The following CPSF3 variants were observed in gnomAD, a reference collection of about 807,000 sequenced individuals.
CPSF3 encodes the protein cleavage and polyadenylation specific factor 3.
A neutral mutation model predicts 84.1 loss-of-function variants in CPSF3; 57 were observed. The observed-to-expected ratio is 0.68, with a 90% CI of 0.55 to 0.85. The LOEUF (loss-of-function observed/expected upper bound fraction) is 0.85. CPSF3 is among the 40% of genes least tolerant of loss of function. The probability of loss-of-function intolerance (pLI) is 0.00; values close to 1 mark genes in which losing one functional copy is unlikely to be tolerated. For missense variants in CPSF3, 522 were observed against 838.8 expected, an observed-to-expected ratio of 0.62 and a Z score of 4.66; for synonymous variants, 275 against 278.1, an observed-to-expected ratio of 0.99 and a Z score of 0.11.
intron 7 of CPSF3, among the ~76,000 whole-genome samples, chr2:9,440,114 A>G (rs969810193): frequency 6.6e-6 from 1 of 152,216 alleles, no homozygotes; most frequent in African/African-American, 2.4e-5. Flanking sequence ...TACATTTTTA[A>G]AACCATCACA....
chr2:9,436,351 C>T lies in CPSF3; in HGVS notation c.750C>T (p.Leu250=), dbSNP rs536663283. Residue 250 remains leucine, a synonymous_variant, in exon 7 of 18, where the codon CTC becomes CTT. Coordinates refer to ENST00000238112, the MANE Select transcript of CPSF3 (RefSeq NM_016207.4). ...VFALGRAQEL[L]LILDEYWQNH... Reference sequence around the variant, plus strand: ...CTCTTGGAAGGGCTCAGGAGCTGCTCTTGATTCTAGGTATGCCATTTCCTT... The same window carrying T: ...CTCTTGGAAGGGCTCAGGAGCTGCTTTTGATTCTAGGTATGCCATTTCCTT... 5 of 1,607,218 alleles carry T rather than the reference C, an allele frequency of 3.1e-6. 1 individual carries two copies. The highest frequency in any genetic ancestry group is 2.2e-5 in the South Asian group (2 of 89,760).
intron 16 of CPSF3, 66 bp from the exon 17 acceptor site, chr2:9,471,277 T>C (rs1436363900): frequency 2.0e-6 from 2 of 978,660 alleles, no homozygotes; most frequent in African/African-American, 3.2e-5. Flanking sequence ...ATCTTCAGTT[T>C]TATTTTTTCC....
At chr2:9,455,358 A>T (rs1236294155) in intron 12 of CPSF3, among the ~76,000 whole-genome samples, 1 of 148,788 alleles carries the variant, frequency 6.7e-6, no homozygotes, top group Non-Finnish European at 1.5e-5. Context: ...CTGGTCTTGA[A>T]CTCCTGATCT....
chr2:9,444,160 T>TATATATATATATA (rs1460239502), intron 10 of CPSF3, among the ~76,000 whole-genome samples: 3 of 115,936 alleles, frequency 2.6e-5, no homozygotes, highest in Non-Finnish European at 5.6e-5. Flanking sequence ...ATATATATAT[T>TATATATATATATA]TTTTTTTTTT....
At chr2:9,472,872 T>C (rs1682228580) in intron 17 of CPSF3, 44 bp from the exon 18 acceptor site, 2 of 1,221,966 alleles carry the variant, frequency 1.6e-6, no homozygotes, top group Non-Finnish European at 2.4e-6. Flanking sequence ...TATATAATCA[T>C]TATAGACTTA....
chr2:9,450,313 G>A (rs945548849), intron 11 of CPSF3, among the ~76,000 whole-genome samples: 13 of 151,728 alleles, frequency 8.6e-5, no homozygotes, highest in South Asian at 4.2e-4. Context: ...CACCACGCCC[G>A]GCTAATTTTT....
At chr2:9,472,195 C>T (rs2124879756) in intron 17 of CPSF3, among the ~76,000 whole-genome samples, 1 of 151,512 alleles carries the variant, frequency 6.6e-6, no homozygotes, top group Middle Eastern at 3.4e-3. Context: ...GCCTGTAATC[C>T]CAGCTACTTG....
rs56758438 is a variant in CPSF3, at chr2:9,466,342, G to GGCAGGCA, written c.1787-1365_1787-1364insGCAGGCA. ...CACGCACACAGACGCACGCACACAC[G>GGCAGGCA]CGCGCGCGCGCACACACACACGCAC... On this transcript the variant is annotated intron_variant, in intron 15 of 17. Transcript: ENST00000238112. Among the ~76,000 whole-genome samples the GGCAGGCA allele has an allele frequency of 3.8e-3, 343 of 89,176 alleles. 1 individual carries two copies. The highest frequency in any genetic ancestry group is 0.011 in the African/African-American group (331 of 29,868). 58.5% of individuals were successfully genotyped at this position (89,176 alleles called of 152,430 possible). A position where few individuals can be genotyped will look rare whatever the true frequency, so the allele number is the denominator to read the frequency against.
At chr2:9,448,850 C>T (rs1440367825) in intron 11 of CPSF3, among the ~76,000 whole-genome samples, 1 of 152,044 alleles carries the variant, frequency 6.6e-6, no homozygotes, top group African/African-American at 2.4e-5. Context: ...CCACCGTGCC[C>T]GGCCTAGATT....
At position 9,466,379 on chromosome 2, in the gene CPSF3, C is replaced by G. The variant is rs965864551; in HGVS notation, c.1787-1328C>G. Among the ~76,000 whole-genome samples the G allele has an allele frequency of 1.3e-3, 176 of 131,242 alleles. 1 individual carries two copies. The highest frequency in any genetic ancestry group is 4.2e-3 in the African/African-American group (165 of 38,874). The allele number at this position is 131,242 out of a possible 152,430, so 86.1% of individuals were successfully genotyped here. On this transcript the variant is annotated intron_variant, in intron 15 of 17. Coordinates refer to ENST00000238112, the MANE Select transcript of CPSF3 (RefSeq NM_016207.4). ...ACACACACACGCACACACCCACGCACTCGCACACACGCGCACACACACGCA... is the reference window on the plus strand; with the variant it reads ...ACACACACACGCACACACCCACGCAGTCGCACACACGCGCACACACACGCA...
At chr2:9,436,774 A>AAAAAAAAAAAAAATAAT (rs139337028) in intron 7 of CPSF3, among the ~76,000 whole-genome samples, 1 of 143,002 alleles carries the variant, frequency 7.0e-6, no homozygotes, top group African/African-American at 2.6e-5. Context: ...CCATCTCAAA[A>AAAAAAAAAAAAAATAAT]AATAATAATA....
At chr2:9,468,165 T>C (rs1221167589) in intron 16 of CPSF3, among the ~76,000 whole-genome samples, 1 of 152,246 alleles carries the variant, frequency 6.6e-6, no homozygotes, top group Non-Finnish European at 1.5e-5. Context: ...GGTGTTCTTC[T>C]AGACTCTTCT....
intron 11 of CPSF3, 35 bp downstream of exon 11, chr2:9,448,385 G>T: frequency 6.5e-7 from 1 of 1,536,612 alleles, no homozygotes; most frequent in Non-Finnish European, 8.8e-7. Flanking sequence ...TCCAATCCAT[G>T]TTTTTTCTTC....
chr2:9,442,419 T>C (rs961383900), intron 9 of CPSF3, among the ~76,000 whole-genome samples: 2 of 152,236 alleles, frequency 1.3e-5, no homozygotes, highest in African/African-American at 2.4e-5. Context: ...TATGCAGAAC[T>C]TGGGAGGCAG....
rs757248972 is a variant in CPSF3, at chr2:9,452,907, T to G, written c.1396-6T>G. ...TCTATTTTCTTCAAGTATTTTTTTT[T>G]TACAGGTTATGGGATTTTTAGCAGA... On this transcript the variant is annotated splice_polypyrimidine_tract_variant and splice_region_variant and intron_variant, in intron 11 of 17. Coordinates refer to ENST00000238112, the MANE Select transcript of CPSF3 (RefSeq NM_016207.4). The G allele has an allele frequency of 6.4e-7, 1 of 1,574,700 alleles. No homozygotes were observed.
At chr2:9,466,196 TCACACACACACGCGCA>T (rs1558465906) in intron 15 of CPSF3, among the ~76,000 whole-genome samples, 1 of 141,556 alleles carries the variant, frequency 7.1e-6, no homozygotes, top group Non-Finnish European at 1.6e-5. Flanking sequence ...ACACACGCGC[TCACACACACACGCGCA>T]CACACGCACG....
chr2:9,451,662 C>T (rs1681332113), intron 11 of CPSF3, among the ~76,000 whole-genome samples: 1 of 151,268 alleles, frequency 6.6e-6, no homozygotes, highest in South Asian at 2.1e-4. Context: ...CGCACCACTG[C>T]ATTCCAGCCT....
chr2:9,457,813 G>A (rs1681583892), intron 14 of CPSF3, among the ~76,000 whole-genome samples: 1 of 151,562 alleles, frequency 6.6e-6, no homozygotes. Context: ...AGTGCAGTGG[G>A]GTGATCTCAG....
chr2:9,466,388 ACG>A (rs1243481898), intron 15 of CPSF3, among the ~76,000 whole-genome samples: 8 of 78,156 alleles, frequency 1.0e-4, no homozygotes, highest in African/African-American at 2.4e-4. Context: ...ACTCGCACAC[ACG>A]CGCACACACA....
Sources: gnomAD v4.1 joint callset for allele counts (sites outside exome capture counted in the v4.1 genomes callset) on GRCh38, gnomAD v4.1.1 for gene constraint, MANE v1.5 for transcripts, NCBI Gene and HGNC (gene_info 2026-07-23, HGNC 2026-07-21) for gene names.